The following SLC5A6 variants were observed in gnomAD, a reference collection of about 807,000 sequenced individuals.
SLC5A6 encodes the protein sodium-dependent multivitamin transporter.
Under a neutral mutation model 67.9 loss-of-function variants are expected in SLC5A6, and 31 were observed. The ratio of observed to expected loss-of-function variants is 0.46; its 90% CI spans 0.34 to 0.62. SLC5A6 has a LOEUF of 0.62. Among genes scored for constraint, SLC5A6 ranks in the 20% least tolerant of loss-of-function variants. The pLI is 0.01. For synonymous variants in SLC5A6, 343 were observed against 331.0 expected (o/e 1.04, Z -0.39); for missense variants, 673 against 812.8 (o/e 0.83, Z 2.09).
At position 27,200,571 on chromosome 2, in the gene SLC5A6, G is replaced by T. The variant is rs760983594; in HGVS notation, c.1773C>A (p.Leu591=). ...GCTTCTCAGGAAACAGGCCAGTGTC[G>T]AGGTGGTCCTGCAAACACAGAGCCA... is the stretch of plus-strand genomic sequence containing the variant. The part of the protein sequence containing the change: ...LHCRSYGQDH[L]DTGLFPEKPR... The change falls in exon 17 of 17, where the codon CTC becomes CTA. Residue 591 remains leucine, a synonymous_variant. Coordinates refer to ENST00000310574, the MANE Select transcript of SLC5A6 (RefSeq NM_021095.4). 6.2e-6 allele frequency: 10 copies of T among 1,611,902 alleles called. No individual in the cohort carries two copies. The highest frequency in any genetic ancestry group is 3.3e-4 in the Middle Eastern group (2 of 6,032).
Position 27,209,207 on chromosome 2 carries a change from C to G in SLC5A6, c.-140-1417G>C, listed in dbSNP as rs537861168. 2.0e-5 allele frequency among the ~76,000 whole-genome samples: 3 copies of G among 152,326 alleles called. No homozygotes were observed. The East Asian group carries it at 5.8e-4, about 29-fold the overall frequency. Reference sequence around the variant, plus strand: ...ATTAGAACCCAGGTCTAGGGATTCACCATCCACCCTGTCTGTTCTCCAAGC... The same window carrying G: ...ATTAGAACCCAGGTCTAGGGATTCAGCATCCACCCTGTCTGTTCTCCAAGC... On this transcript the variant is annotated intron_variant, in intron 2 of 16. Transcript: ENST00000310574.
chr2:27,201,443 G>A lies in SLC5A6; in HGVS notation c.1555C>T (p.Leu519=). ...TAAGACAAGGAATAGAACCGCTGCA[G>A]CCCTGTGGGCCTGGGAAGAGCAGAG... ...PLTTFSKPTG[L]QRFYSLSYLW... The change falls in exon 15 of 17, where the codon CTG becomes TTG. Residue 519 remains leucine, a synonymous_variant. Transcript: ENST00000310574. 1.2e-6 allele frequency: 2 copies of A among 1,609,214 alleles called. No individual in the cohort carries two copies. Among genetic ancestry groups the A allele is most frequent in the South Asian group, 2.2e-5 (2 of 90,966 alleles).
At chr2:27,203,123 G>A in intron 11 of SLC5A6, 110 bp downstream of exon 11, 1 of 1,551,694 alleles carries the variant, frequency 6.4e-7, no homozygotes, top group Non-Finnish European at 8.7e-7. Context: ...GCTTCATTAG[G>A]CAAGTGCTGA....
In SLC5A6 at chr2:27,201,741, C is replaced by G. The variant is rs1454400642; in HGVS notation, c.1469G>C (p.Gly490Ala). 1 of 1,614,046 alleles carries G rather than the reference C, an allele frequency of 6.2e-7. No individual in the cohort carries two copies. Among genetic ancestry groups the G allele is most frequent in the African/African-American group, 1.3e-5 (1 of 74,906 alleles). The change falls in exon 14 of 17, where the codon GGG (glycine) becomes GCG (alanine). Residue 490 changes from glycine to alanine, a missense_variant. Coordinates refer to ENST00000310574, the MANE Select transcript of SLC5A6 (RefSeq NM_021095.4). Reference protein sequence around the residue: ...GSSMPPSPSNGSSFSLPTNLT... With the variant: ...GSSMPPSPSNASSFSLPTNLT... ...ATTGGTGGGCAGGGAGAAGCTGGAC[C>G]CATTAGAGGGAGAGGGTGGCATGCT...
chr2:27,201,800 A>G lies in SLC5A6; in HGVS notation c.1410T>C (p.Ile470=), dbSNP rs1290246490. 1.2e-6 allele frequency: 2 copies of G among 1,614,058 alleles called. No individual in the cohort carries two copies. Among genetic ancestry groups the G allele is most frequent in the African/African-American group, 2.7e-5 (2 of 74,916 alleles). Residue 470 remains isoleucine, a synonymous_variant, in exon 14 of 17, where the codon ATT becomes ATC. Coordinates refer to ENST00000310574, the MANE Select transcript of SLC5A6 (RefSeq NM_021095.4). ...TGCTGGTCACGATGCTCCCGATGCCAATCCAGAAGGCCATGACGAGCCCAG... is the reference window on the plus strand; with the variant it reads ...TGCTGGTCACGATGCTCCCGATGCCGATCCAGAAGGCCATGACGAGCCCAG... ...LLAGLVMAFW[I]GIGSIVTSMG... is the part of the protein sequence containing the mutation.
intron 9 of SLC5A6, 102 bp downstream of exon 9, chr2:27,204,359 A>T: frequency 7.3e-7 from 1 of 1,362,116 alleles, no homozygotes; most frequent in Non-Finnish European, 1.0e-6. Context: ...ACCGTCTCCC[A>T]CCCAGGGTGG....
intron 2 of SLC5A6, among the ~76,000 whole-genome samples, chr2:27,210,430 C>G: frequency 6.9e-6 from 1 of 144,262 alleles, no homozygotes; most frequent in African/African-American, 2.5e-5. Flanking sequence ...ATTGTGGGAC[C>G]CCCCCCCCTT....
chr2:27,212,382 A>T (rs1275533), upstream of SLC5A6: 2 of 1,550,494 alleles, frequency 1.3e-6, no homozygotes, highest in South Asian at 1.2e-5. Flanking sequence ...GCGCCTCACG[A>T]CCCGGGTAGT....
At chr2:27,205,903 C>T (rs1674025705) in intron 6 of SLC5A6, 123 bp downstream of exon 6, 4 of 747,124 alleles carry the variant, frequency 5.4e-6, no homozygotes, top group Middle Eastern at 2.3e-4. Flanking sequence ...AATCTTACCA[C>T]CCCAGAATTT....
chr2:27,201,070 T>C lies in SLC5A6; in HGVS notation c.1692A>G (p.Pro564=). Residue 564 remains proline, a synonymous_variant, in exon 16 of 17, where the codon CCA becomes CCG. Coordinates refer to ENST00000310574, the MANE Select transcript of SLC5A6 (RefSeq NM_021095.4). ...GRSLNPATIY[P]VLPKLLSLLP... ...GGAGGGACAGGAGCTTTGGCAACAC[T>C]GGGTAAATGGTTGCAGGGTTCAGGG... 6.2e-7 allele frequency: 1 copy of C among 1,613,864 alleles called. No individual in the cohort carries two copies.
intron 7 of SLC5A6, 183 bp downstream of exon 7, chr2:27,205,167 C>CTAT: frequency 1.4e-6 from 1 of 719,450 alleles, no homozygotes; most frequent in South Asian, 1.9e-5. Flanking sequence ...TCCTGACTCT[C>CTAT]TATAAACACT....
chr2:27,211,992 G>GCCCCCTGCCCA lies in SLC5A6; in HGVS notation c.-208+27_-208+28insTGGGCAGGGGG, dbSNP rs1321976640. 11 of 451,462 alleles carry GCCCCCTGCCCA rather than the reference G, an allele frequency of 2.4e-5. 1 individual carries two copies. Among genetic ancestry groups the GCCCCCTGCCCA allele is most frequent in the African/African-American group, 2.4e-4 (11 of 46,484 alleles). The allele number at this position is 451,462 out of a possible 1,614,324, so 28.0% of individuals were successfully genotyped here. On this transcript the variant is annotated intron_variant, in intron 1 of 16. Coordinates refer to ENST00000310574, the MANE Select transcript of SLC5A6 (RefSeq NM_021095.4). ...CCCGCCCCCTGCCCGCCCCCTGCCC[G>GCCCCCTGCCCA]CCCCGCTCGCCGTGCCGCCATGTTT...
At chr2:27,201,188 C>T (rs1472928192) in intron 15 of SLC5A6, 75 bp from the exon 16 acceptor site, 2 of 1,162,880 alleles carry the variant, frequency 1.7e-6, no homozygotes, top group Non-Finnish European at 1.2e-6. Flanking sequence ...CCCTTGGCCC[C>T]CAGAGACCCC....
intron 2 of SLC5A6, among the ~76,000 whole-genome samples, chr2:27,209,422 T>C (rs2148022828): frequency 6.6e-6 from 1 of 152,298 alleles, no homozygotes; most frequent in East Asian, 1.9e-4. Flanking sequence ...AAGCTAACAT[T>C]TTCAAAACAG....
Position 27,201,356 on chromosome 2 carries a change from G to A in SLC5A6, c.1642C>T (p.Leu548Phe), listed in dbSNP as rs1299600868. 1.2e-6 allele frequency: 2 copies of A among 1,603,286 alleles called. No homozygotes were observed. The highest frequency in any genetic ancestry group is 1.7e-6 in the Non-Finnish European group (2 of 1,170,190). ...CGCAATCCCACACCCTTACCAGTGA[G>A]TAGACTGACAATCAGGCCCACCACA... ...VIVVGLIVSLLTGRMRGRSLN... is the reference protein window; with the variant it reads ...VIVVGLIVSLFTGRMRGRSLN... Residue 548 changes from leucine (L) to phenylalanine (F), a missense_variant, in exon 15 of 17, where the codon CTC (leucine) becomes TTC (phenylalanine). Coordinates refer to ENST00000310574, the MANE Select transcript of SLC5A6 (RefSeq NM_021095.4).
At chr2:27,202,165 T>C (rs993350004) in intron 12 of SLC5A6, 91 bp from the exon 13 acceptor site, 2 of 895,354 alleles carry the variant, frequency 2.2e-6, no homozygotes, top group Non-Finnish European at 3.7e-6. Flanking sequence ...GCCATGACCT[T>C]GGAGCCCCAC....
rs763037013 is a variant in SLC5A6 at position 27,206,470 on chromosome 2, T to C, written c.511+13A>G. The C allele has an allele frequency of 5.6e-6, 9 of 1,613,636 alleles. No individual in the cohort carries two copies. In the South Asian group the frequency reaches 9.9e-5, roughly 18 times the overall value. On this transcript the variant is annotated intron_variant, in intron 5 of 16. Coordinates refer to ENST00000310574, the MANE Select transcript of SLC5A6 (RefSeq NM_021095.4). ...TACCACGGCTGAAAGCCAGGGGCTGTGTGACTCCTCACCTGCATTGAGAGC... is the reference window on the plus strand; with the variant it reads ...TACCACGGCTGAAAGCCAGGGGCTGCGTGACTCCTCACCTGCATTGAGAGC...
chr2:27,202,726 C>A, intron 12 of SLC5A6, 87 bp downstream of exon 12: 1 of 1,173,798 alleles, frequency 8.5e-7, no homozygotes, highest in East Asian at 2.4e-5. Flanking sequence ...CGGTCATTCC[C>A]CTCAATATAG....
At position 27,212,238 on chromosome 2, in the gene SLC5A6, A is replaced by G; in HGVS notation, c.-426T>C. 4 of 1,561,236 alleles carry G rather than the reference A, an allele frequency of 2.6e-6. No homozygotes were observed. The highest frequency in any genetic ancestry group is 1.2e-5 in the South Asian group (1 of 84,914). On this transcript the variant is annotated 5_prime_UTR_variant, in exon 1 of 17. Coordinates refer to ENST00000310574, the MANE Select transcript of SLC5A6 (RefSeq NM_021095.4). ...AGCGCAGAGCTCCACGAGCAGGAAA[A>G]GCCCCCAAGCAGCCCCAGGGCGACT...
Sources: gnomAD v4.1 joint callset for allele counts (sites outside exome capture counted in the v4.1 genomes callset) on GRCh38, gnomAD v4.1.1 for gene constraint, MANE v1.5 for transcripts, NCBI Gene and HGNC (gene_info 2026-07-23, HGNC 2026-07-21) for gene names.